The following TRA2A variants were observed in gnomAD, a reference collection of about 807,000 sequenced individuals.
The protein encoded by TRA2A is transformer 2 alpha homolog.
A neutral mutation model predicts 45.7 loss-of-function variants in TRA2A; 31 were observed. That is an observed-to-expected ratio of 0.68 (90% CI 0.51 to 0.92). The LOEUF is 0.92. TRA2A is among the 40% of genes least tolerant of loss of function. The pLI is 0.00. For missense variants in TRA2A, 304 were observed against 367.5 expected, an observed-to-expected ratio of 0.83 and a Z score of 1.41; for synonymous variants, 132 against 126.2, an observed-to-expected ratio of 1.05 and a Z score of -0.31.
chr7:23,509,594 G>C (rs559212319), intron 4 of TRA2A, among the ~76,000 whole-genome samples: 2 of 152,194 alleles, frequency 1.3e-5, no homozygotes, highest in South Asian at 4.2e-4. Flanking sequence ...AAATTAGCTG[G>C]GTGTGGTGGC....
intron 2 of TRA2A, among the ~76,000 whole-genome samples, chr7:23,517,221 G>A (rs957907335): frequency 6.6e-6 from 1 of 152,010 alleles, no homozygotes; most frequent in Non-Finnish European, 1.5e-5. Context: ...GGTGGCTCAT[G>A]CCTGTAATCC....
At chr7:23,519,601 T>C (rs756749860) in intron 2 of TRA2A, among the ~76,000 whole-genome samples, 2 of 152,158 alleles carry the variant, frequency 1.3e-5, no homozygotes, top group Non-Finnish European at 2.9e-5. Context: ...TCTACTTTTT[T>C]TCAGCTCAAT....
chr7:23,510,144 T>C (rs1258715650), intron 4 of TRA2A, among the ~76,000 whole-genome samples: 2 of 152,114 alleles, frequency 1.3e-5, no homozygotes, highest in Non-Finnish European at 2.9e-5. Flanking sequence ...GAAGAAACCA[T>C]ACAACATGCC....
At chr7:23,505,891 T>A (rs1379683874) in intron 6 of TRA2A, 78 bp from the exon 7 acceptor site, 2 of 907,644 alleles carry the variant, frequency 2.2e-6, no homozygotes, top group Non-Finnish European at 3.3e-6. Flanking sequence ...TTCCTCATCA[T>A]TCAAAATAAT....
chr7:23,517,504 A>AAAAGG (rs1789937777), intron 2 of TRA2A, among the ~76,000 whole-genome samples: 1 of 127,912 alleles, frequency 7.8e-6, no homozygotes, highest in African/African-American at 2.9e-5. Context: ...AAAAAAAAAA[A>AAAAGG]GAGAGAAAGA....
Position 23,507,483 on chromosome 7 carries a change from T to C in TRA2A, c.578A>G (p.Asp193Gly). ...GTGCGCTCTCTTGGTTATAGAATAATCCACCCGAATTCTTCTACCATCCAG... is the reference window on the plus strand; with the variant it reads ...GTGCGCTCTCTTGGTTATAGAATAACCCACCCGAATTCTTCTACCATCCAG... The part of the protein sequence containing the change: ...MELDGRRIRV[D>G]YSITKRAHTP... Residue 193 changes from aspartate (D) to glycine (G), a missense_variant, in exon 5 of 8, where the codon GAT becomes GGT. By Grantham distance (94) the Asp-to-Gly change is moderately conservative (BLOSUM62 -1). This residue lies in a region of TRA2A where 130 missense variants were observed against 217.1 expected (regional missense o/e 0.60). Transcript: ENST00000297071. 1 of 1,614,196 alleles carries C rather than the reference T, an allele frequency of 6.2e-7. No homozygotes were observed. Among genetic ancestry groups the C allele is most frequent in the Non-Finnish European group, 8.5e-7 (1 of 1,180,044 alleles).
At chr7:23,507,739 GTAGT>G (rs1467674337) in intron 4 of TRA2A, among the ~76,000 whole-genome samples, 1 of 152,190 alleles carries the variant, frequency 6.6e-6, no homozygotes, top group African/African-American at 2.4e-5. Context: ...AGCAGAAAGA[GTAGT>G]TAATAAACTT....
rs11346990 is a variant in TRA2A, at chr7:23,520,683, ATTTTTTTT to A, written c.170+1016_170+1023del. Among the ~76,000 whole-genome samples the A allele has an allele frequency of 6.5e-3, 846 of 129,736 alleles. 4 individuals are homozygous for A. The highest frequency in any genetic ancestry group is 0.013 in the African/African-American group (448 of 34,030). The allele number at this position is 129,736 out of a possible 152,430, so 85.1% of individuals were successfully genotyped here. ...AAGCTAACTGGTCAGGCTGTTTTAA[ATTTTTTTT>A]TTTTTTTTTTTTTTTTAAAAAGAAA... On this transcript the variant is annotated intron_variant, in intron 2 of 7. Transcript: ENST00000297071.
At chr7:23,506,822 C>T (rs765142579) in intron 5 of TRA2A, among the ~76,000 whole-genome samples, 1 of 152,184 alleles carries the variant, frequency 6.6e-6, no homozygotes, top group Non-Finnish European at 1.5e-5. Flanking sequence ...GTCGCCCAGG[C>T]TGGAGTGCAG....
chr7:23,507,215 C>T, intron 5 of TRA2A: 1 of 526,598 alleles, frequency 1.9e-6, no homozygotes, highest in Non-Finnish European at 3.4e-6. Context: ...ATTCCTGTGC[C>T]TCAGCTCCCG....
At chr7:23,521,550 C>T (rs1304109045) in intron 2 of TRA2A, among the ~76,000 whole-genome samples, 157 bp downstream of exon 2, 1 of 152,186 alleles carries the variant, frequency 6.6e-6, no homozygotes, top group Non-Finnish European at 1.5e-5. Flanking sequence ...ACTTCCAAGT[C>T]TTTGTCTGGG....
At position 23,513,085 on chromosome 7, in the gene TRA2A, A is replaced by G. The variant is rs1468107969; in HGVS notation, c.337-3T>C. 6.3e-7 allele frequency: 1 copy of G among 1,574,940 alleles called. No homozygotes were observed. Among genetic ancestry groups the G allele is most frequent in the Admixed American group, 2.0e-5 (1 of 51,014 alleles). On this transcript the variant is annotated splice_region_variant and splice_polypyrimidine_tract_variant and intron_variant, in intron 3 of 7. Coordinates refer to ENST00000297071, the MANE Select transcript of TRA2A (RefSeq NM_013293.5). ...CAAGTGTTGGGATCTGGATTTGCCT[A>G]TTGAATGGAAATATTATTTAAAACT... is the stretch of plus-strand genomic sequence containing the variant.
Position 23,523,816 on chromosome 7 carries a change from A to C in TRA2A, c.37-1976T>G, listed in dbSNP as rs539584256. Among the ~76,000 whole-genome samples the C allele has an allele frequency of 4.6e-5, 7 of 152,344 alleles. 1 individual carries two copies. In the South Asian group the frequency reaches 1.4e-3, roughly 32 times the overall value. ...TATCTTATAAAAAAAGGCATGGCTA[A>C]TTTGCTTGTAATTTAAGTTTCACAG... is the stretch of plus-strand genomic sequence containing the variant. On this transcript the variant is annotated intron_variant, in intron 1 of 7. Transcript: ENST00000297071.
At chr7:23,506,316 G>A in intron 5 of TRA2A, 50 bp from the exon 6 acceptor site, 1 of 1,510,534 alleles carries the variant, frequency 6.6e-7, no homozygotes, top group Non-Finnish European at 8.9e-7. Context: ...CTATTTTCCA[G>A]GACACTTTAA....
chr7:23,505,532 A>AT lies in TRA2A; in HGVS notation c.*26dup. ...AAAAAAAAAAAAAAGAGGAAAAAAA[A>AT]TGTCCTTAATTGCAACCATTCCGTT... On this transcript the variant is annotated 3_prime_UTR_variant, in exon 8 of 8. Transcript: ENST00000297071. The AT allele has an allele frequency of 2.0e-6, 1 of 491,030 alleles. No individual in the cohort carries two copies. The highest frequency in any genetic ancestry group is 3.4e-5 in the East Asian group (1 of 29,160). 30.4% of individuals were successfully genotyped at this position (491,030 alleles called of 1,614,324 possible).
intron 3 of TRA2A, among the ~76,000 whole-genome samples, chr7:23,514,264 C>G (rs1789759796): frequency 6.6e-6 from 1 of 151,968 alleles, no homozygotes; most frequent in South Asian, 2.1e-4. Flanking sequence ...GATGGGGTTT[C>G]TCCATGTTGG....
chr7:23,522,664 C>G (rs771955863), intron 1 of TRA2A, among the ~76,000 whole-genome samples: 14 of 151,734 alleles, frequency 9.2e-5, no homozygotes, highest in Non-Finnish European at 1.6e-4. Flanking sequence ...AAACCATACT[C>G]TTCACCCTCC....
At chr7:23,529,764 G>C (rs1790493886) in intron 1 of TRA2A, among the ~76,000 whole-genome samples, 1 of 151,768 alleles carries the variant, frequency 6.6e-6, no homozygotes, top group East Asian at 1.9e-4. Flanking sequence ...TATTTCCTAT[G>C]ACCACAAAGG....
Position 23,531,940 on chromosome 7 carries a change from C to G in TRA2A, c.-116G>C, listed in dbSNP as rs918949849. 4 of 1,124,240 alleles carry G rather than the reference C, an allele frequency of 3.6e-6. No individual in the cohort carries two copies. The highest frequency in any genetic ancestry group is 1.5e-5 in the African/African-American group (1 of 65,294). 69.6% of individuals were successfully genotyped at this position (1,124,240 alleles called of 1,614,324 possible). On this transcript the variant is annotated 5_prime_UTR_variant, in exon 1 of 8. Transcript: ENST00000297071. ...AGAGGAAAGAGTCGGCAACCACAGCCGCTCCACTCCACTCCCACTCGGTCG... is the reference window on the plus strand; with the variant it reads ...AGAGGAAAGAGTCGGCAACCACAGCGGCTCCACTCCACTCCCACTCGGTCG...
Sources: allele counts gnomAD v4.1 joint callset (sites outside exome capture counted in the v4.1 genomes callset), GRCh38; gene constraint gnomAD v4.1.1; regional missense constraint gnomAD v4.1.1; transcripts MANE v1.5; gene names NCBI Gene and HGNC (gene_info 2026-07-23, HGNC 2026-07-21).